Variants in SND1 observed in about 807,000 individuals in gnomAD.
The protein encoded by SND1 is staphylococcal nuclease domain-containing protein 1.
In SND1, 38 loss-of-function variants were observed where a neutral mutation model predicts 121.7. That is an observed-to-expected ratio of 0.31 (90% CI 0.24 to 0.41). The LOEUF (loss-of-function observed/expected upper bound fraction) is 0.41. Among genes scored for constraint, SND1 ranks in the 10% least tolerant of loss-of-function variants. The pLI is 1.00. For missense variants in SND1, 868 were observed against 1,184.6 expected (o/e 0.73, Z 3.92); for synonymous variants, 401 against 447.4 (o/e 0.90, Z 1.31).
At chr7:127,922,175 CTTTTTTTTTTTTTTTT>C (rs1158535023) in intron 14 of SND1, among the ~76,000 whole-genome samples, 1 of 57,176 alleles carries the variant, frequency 1.7e-5, no homozygotes, top group African/African-American at 7.5e-5. Context: ...TTTTTCTTTC[CTTTTTTTTTTTTTTTT>C]TTTTTTTTTT....
At chr7:127,948,731 C>A (rs1400188502) in intron 15 of SND1, among the ~76,000 whole-genome samples, 1 of 152,182 alleles carries the variant, frequency 6.6e-6, no homozygotes, top group Non-Finnish European at 1.5e-5. Flanking sequence ...TTCTTTGGGG[C>A]AAGCTGCTTG....
chr7:127,671,993 C>T (rs1459792121), intron 1 of SND1, among the ~76,000 whole-genome samples: 1 of 152,146 alleles, frequency 6.6e-6, no homozygotes, highest in Non-Finnish European at 1.5e-5. Context: ...AGAGCATTTC[C>T]CTGCTGGGAA....
chr7:127,885,097 G>C (rs1799870026), intron 12 of SND1, among the ~76,000 whole-genome samples: 1 of 152,116 alleles, frequency 6.6e-6, no homozygotes, highest in Non-Finnish European at 1.5e-5. Context: ...ATGGGGCTCT[G>C]ACACCCCAAG....
At chr7:127,967,977 G>GT (rs777386854) in intron 15 of SND1, among the ~76,000 whole-genome samples, 11 of 152,190 alleles carry the variant, frequency 7.2e-5, no homozygotes, top group Non-Finnish European at 1.3e-4. Flanking sequence ...TTACAATGCT[G>GT]TGGGGTAGGA....
intron 21 of SND1, among the ~76,000 whole-genome samples, chr7:128,088,310 G>A (rs1401874180): frequency 6.6e-6 from 1 of 151,184 alleles, no homozygotes. Context: ...AAATAGCTGG[G>A]TGTGGTGGCA....
intron 16 of SND1, among the ~76,000 whole-genome samples, chr7:128,039,537 A>T (rs1452926345): frequency 1.3e-5 from 2 of 152,106 alleles, no homozygotes; most frequent in Non-Finnish European, 2.9e-5. Context: ...AGTGACCTTA[A>T]GGTGTCTCCA....
At chr7:127,668,341 C>A (rs923563716) in intron 1 of SND1, among the ~76,000 whole-genome samples, 1 of 152,156 alleles carries the variant, frequency 6.6e-6, no homozygotes, top group African/African-American at 2.4e-5. Flanking sequence ...AAAGAGGACT[C>A]CCCAAACCCT....
chr7:127,746,939 A>G (rs968615417), intron 10 of SND1, among the ~76,000 whole-genome samples: 2 of 152,206 alleles, frequency 1.3e-5, no homozygotes, highest in African/African-American at 4.8e-5. Context: ...GTTTGTATTC[A>G]GTATAACTTG....
At chr7:127,821,498 A>G (rs951816003) in intron 11 of SND1, among the ~76,000 whole-genome samples, 1 of 152,188 alleles carries the variant, frequency 6.6e-6, no homozygotes, top group African/African-American at 2.4e-5. Context: ...GTACCAGTAC[A>G]GGATTGATTT....
At chr7:127,820,356 A>T (rs1798524978) in intron 11 of SND1, among the ~76,000 whole-genome samples, 1 of 152,102 alleles carries the variant, frequency 6.6e-6, no homozygotes, top group East Asian at 1.9e-4. Context: ...ATTTTTCCCT[A>T]GTTTCTCCTA....
At position 128,029,518 on chromosome 7, in the gene SND1, G is replaced by T; in HGVS notation, c.1779+38462G>T. On this transcript the variant is annotated intron_variant, in intron 16 of 23. Transcript: ENST00000354725. This position sits in a 1 kb window ranked among gnomAD's most constrained non-coding sequence, Gnocchi z 4.2. ...TTCACGGAGGACATAGGGGGAGTCC[G>T]ACACTTAAGTTCTGCCATCCGACCC... The T allele has an allele frequency of 1.2e-6, 2 of 1,614,074 alleles. No homozygotes were observed. Among genetic ancestry groups the T allele is most frequent in the Non-Finnish European group, 1.7e-6 (2 of 1,180,024 alleles).
intron 11 of SND1, among the ~76,000 whole-genome samples, chr7:127,837,059 A>G (rs1317878659): frequency 6.6e-6 from 1 of 152,204 alleles, no homozygotes; most frequent in East Asian, 1.9e-4. Flanking sequence ...TGAAGGCTAA[A>G]TATTTTATTT....
chr7:127,787,274 A>G lies in SND1; in HGVS notation c.1153-20210A>G, dbSNP rs78426665. Among the ~76,000 whole-genome samples, 435 of 152,146 alleles carry G rather than the reference A, an allele frequency of 2.9e-3. 4 individuals carry two copies. The highest frequency in any genetic ancestry group is 9.2e-3 in the African/African-American group (383 of 41,480). ...AGGGGGGACAGGGCCTTGCTCTGTT[A>G]CCCAGGTTATAGTACAGTGGCTGTA... is the stretch of plus-strand genomic sequence containing the variant. On this transcript the variant is annotated intron_variant, in intron 10 of 23. Transcript: ENST00000354725.
At chr7:127,832,423 G>A (rs562307642) in intron 11 of SND1, among the ~76,000 whole-genome samples, 1 of 152,286 alleles carries the variant, frequency 6.6e-6, no homozygotes, top group South Asian at 2.1e-4. Context: ...AAGTTCATTG[G>A]ACAAAAGCAC....
At chr7:127,826,718 T>C (rs966111283) in intron 11 of SND1, among the ~76,000 whole-genome samples, 1 of 152,234 alleles carries the variant, frequency 6.6e-6, no homozygotes, top group African/African-American at 2.4e-5. Context: ...ATGATTCCCT[T>C]ATTTTAAAAC....
chr7:127,874,823 CAT>C (rs1799661032), intron 12 of SND1, among the ~76,000 whole-genome samples: 1 of 152,078 alleles, frequency 6.6e-6, no homozygotes, highest in African/African-American at 2.4e-5. Context: ...ATTTAGCTAA[CAT>C]ATTAGAACTA....
At chr7:127,837,606 T>C (rs1352769081) in intron 11 of SND1, among the ~76,000 whole-genome samples, 4 of 152,224 alleles carry the variant, frequency 2.6e-5, no homozygotes, top group African/African-American at 9.6e-5. Flanking sequence ...GGAGGTAAGC[T>C]CAGAGCATGC....
chr7:127,707,679 G>C (rs11972774), intron 9 of SND1, 32 bp downstream of exon 9: 577,005 of 1,540,180 alleles, frequency 0.37, 114,216 homozygotes, highest in Admixed American at 0.45. Context: ...GATATGCATA[G>C]TGGACATTGC....
chr7:128,073,082 G>A (rs567183221), intron 16 of SND1, among the ~76,000 whole-genome samples: 212 of 152,300 alleles, frequency 1.4e-3, no homozygotes, highest in Non-Finnish European at 2.5e-3. Context: ...AGGAAGGGCT[G>A]CTCCTGAAAC....
Sources: allele counts gnomAD v4.1 joint callset (sites outside exome capture counted in the v4.1 genomes callset), GRCh38; gene constraint gnomAD v4.1.1; non-coding constraint Gnocchi (gnomAD v3.1); transcripts MANE v1.5; gene names NCBI Gene and HGNC (gene_info 2026-07-23, HGNC 2026-07-21).